Variants in NRP2 observed in about 807,000 individuals in gnomAD.
NRP2 encodes neuropilin-2.
NRP2 carries 52 observed loss-of-function variants against 110.4 expected under a neutral mutation model. The observed-to-expected ratio is 0.47, with a 90% CI of 0.38 to 0.59. NRP2 has a LOEUF of 0.59. Ranked by LOEUF, NRP2 falls within the 20% of genes least tolerant of loss-of-function variation. The pLI, the probability that NRP2 is intolerant of heterozygous loss-of-function variation, is 0.00. For synonymous variants in NRP2, 508 were observed against 468.9 expected, an observed-to-expected ratio of 1.08 and a Z score of -1.08; for missense variants, 1,049 against 1,203.0, an observed-to-expected ratio of 0.87 and a Z score of 1.89.
At chr2:205,794,422 A>C (rs1384043635) in intron 16 of NRP2, among the ~76,000 whole-genome samples, 1 of 152,166 alleles carries the variant, frequency 6.6e-6, no homozygotes. Context: ...AAATTATTTA[A>C]ATATCGGATA....
chr2:205,707,428 C>T (rs987752884), intron 2 of NRP2, among the ~76,000 whole-genome samples: 2 of 152,166 alleles, frequency 1.3e-5, no homozygotes, highest in African/African-American at 2.4e-5. Context: ...GACAAGTTTG[C>T]CCCTGGAGCC....
chr2:205,752,512 G>A, intron 11 of NRP2: 1 of 365,708 alleles, frequency 2.7e-6, no homozygotes, highest in South Asian at 2.3e-5. Context: ...TGGCATTTAG[G>A]GAACAGCAAT....
intron 7 of NRP2, among the ~76,000 whole-genome samples, 174 bp downstream of exon 7, chr2:205,728,220 G>A (rs1235248407): frequency 2.0e-5 from 3 of 152,204 alleles, no homozygotes; most frequent in Admixed American, 6.5e-5. Context: ...AGGCTAAAGC[G>A]ATTGGAAAAC....
At chr2:205,745,114 G>A (rs1047584532) in intron 9 of NRP2, among the ~76,000 whole-genome samples, 1 of 152,156 alleles carries the variant, frequency 6.6e-6, no homozygotes, top group African/African-American at 2.4e-5. Flanking sequence ...GCAGCCCCCT[G>A]CTCCCCGCAT....
At chr2:205,716,157 G>C (rs1229858617) in intron 2 of NRP2, 36 bp from the exon 3 acceptor site, 1 of 1,608,676 alleles carries the variant, frequency 6.2e-7, no homozygotes, top group African/African-American at 1.3e-5. Context: ...CATGTCCTTC[G>C]AGTGATCTTT....
At chr2:205,764,665 A>G (rs1399634165) in intron 13 of NRP2, among the ~76,000 whole-genome samples, 1 of 152,212 alleles carries the variant, frequency 6.6e-6, no homozygotes, top group East Asian at 1.9e-4. Context: ...GCTAGTTTGC[A>G]GAGAGGAACC....
chr2:205,734,399 G>GCCCCCCCCCCCCCCCCC (rs201261642), intron 7 of NRP2, among the ~76,000 whole-genome samples: 2 of 90,482 alleles, frequency 2.2e-5, no homozygotes, highest in African/African-American at 8.0e-5. Context: ...ATTTCCCACC[G>GCCCCCCCCCCCCCCCCC]CCCCCCCCCA....
chr2:205,729,797 T>C (rs2057201167), intron 7 of NRP2, among the ~76,000 whole-genome samples: 1 of 152,244 alleles, frequency 6.6e-6, no homozygotes, highest in Admixed American at 6.5e-5. Flanking sequence ...TCAGGAAAGA[T>C]ATTCCTGAAA....
intron 2 of NRP2, among the ~76,000 whole-genome samples, chr2:205,708,408 G>A (rs535005617): frequency 2.2e-4 from 33 of 152,332 alleles, no homozygotes; most frequent in East Asian, 1.2e-3. Flanking sequence ...CCAGGTCAGC[G>A]AGGGAAATGG....
intron 5 of NRP2, among the ~76,000 whole-genome samples, chr2:205,724,608 G>A (rs943035698): frequency 6.8e-6 from 1 of 146,104 alleles, no homozygotes; most frequent in African/African-American, 2.5e-5. Flanking sequence ...TCTTGGACAT[G>A]TGTTTCAAAT....
intron 2 of NRP2, among the ~76,000 whole-genome samples, chr2:205,707,604 A>G (rs1305281554): frequency 1.3e-5 from 2 of 152,212 alleles, no homozygotes; most frequent in Non-Finnish European, 2.9e-5. Flanking sequence ...GGGAGGCTGG[A>G]TGCCAGCAAA....
At chr2:205,794,686 G>C in intron 16 of NRP2, 68 bp from the exon 17 acceptor site, 1 of 1,515,872 alleles carries the variant, frequency 6.6e-7, no homozygotes, top group Non-Finnish European at 9.1e-7. Context: ...TCTGGGCTGG[G>C]GAGGCTCAGT....
At position 205,732,478 on chromosome 2, in the gene NRP2, C is replaced by T. The variant is rs559952205; in HGVS notation, c.1146+4432C>T. Among the ~76,000 whole-genome samples the T allele has an allele frequency of 1.8e-4, 27 of 152,314 alleles. No individual in the cohort carries two copies. The South Asian group carries it at 1.9e-3, about 11-fold the overall frequency. The stretch of plus-strand genomic sequence containing the variant: ...TTTCAGATCTTCTTAAACAGGGCAC[C>T]GTGTGATCTTGGAAACATCTCTTAG... On this transcript the variant is annotated intron_variant, in intron 7 of 16. Transcript: ENST00000357785.
chr2:205,788,703 C>T (rs1050701369), intron 15 of NRP2, among the ~76,000 whole-genome samples: 1 of 152,170 alleles, frequency 6.6e-6, no homozygotes, highest in Non-Finnish European at 1.5e-5. Context: ...TTGCCCAATC[C>T]CTGCCCTGGA....
At chr2:205,765,097 C>A (rs1049053325) in intron 13 of NRP2, among the ~76,000 whole-genome samples, 1 of 152,120 alleles carries the variant, frequency 6.6e-6, no homozygotes, top group East Asian at 1.9e-4. Context: ...TTTTCAAATA[C>A]CTGGATTGGG....
intron 15 of NRP2, 161 bp downstream of exon 15, chr2:205,766,964 C>T (rs1468492645): frequency 3.0e-6 from 2 of 669,606 alleles, no homozygotes; most frequent in East Asian, 5.4e-5. Flanking sequence ...CTAGCAACAC[C>T]TGTAGATGCG....
chr2:205,778,257 CA>C (rs1209183063), intron 15 of NRP2: 14 of 148,016 alleles, frequency 9.5e-5, no homozygotes, highest in Admixed American at 8.8e-4. Context: ...GAGAGACTTT[CA>C]GCATTCTTTC....
chr2:205,741,919 A>G (rs1279165346), intron 8 of NRP2, among the ~76,000 whole-genome samples: 1 of 152,224 alleles, frequency 6.6e-6, no homozygotes, highest in East Asian at 1.9e-4. Flanking sequence ...AAGTCATTCA[A>G]CTAGGAGGTG....
chr2:205,718,435 C>T (rs1223293508), intron 3 of NRP2, among the ~76,000 whole-genome samples: 2 of 152,176 alleles, frequency 1.3e-5, no homozygotes, highest in African/African-American at 2.4e-5. Context: ...TGCCAGCCAA[C>T]GGAGCTAGGT....
Sources: allele counts gnomAD v4.1 joint callset (sites outside exome capture counted in the v4.1 genomes callset), GRCh38; gene constraint gnomAD v4.1.1; transcripts MANE v1.5; gene names NCBI Gene and HGNC (gene_info 2026-07-23, HGNC 2026-07-21).